Variants in NDUFC1 observed in about 807,000 individuals in gnomAD.
NDUFC1 encodes NADH dehydrogenase [ubiquinone] 1 subunit C1, mitochondrial.
Under a neutral mutation model 11.6 loss-of-function variants are expected in NDUFC1, and 11 were observed. The observed-to-expected ratio is 0.95, with a 90% CI of 0.60 to 1.58. The LOEUF (loss-of-function observed/expected upper bound fraction) is 1.58. NDUFC1 is among the 40% of genes most tolerant of loss of function. NDUFC1 has a pLI of 0.00. For synonymous variants in NDUFC1, 52 were observed against 42.2 expected, an observed-to-expected ratio of 1.23 and a Z score of -0.90; for missense variants, 112 against 93.0, an observed-to-expected ratio of 1.20 and a Z score of -0.84.
chr4:139,295,943 C>T lies in NDUFC1; in HGVS notation c.-145G>A. ...CAGCACGGCAAGGTTCTCTAGCACC[C>T]CGGCCTCAGCCTTCTGTCTATACAG... On this transcript the variant is annotated 5_prime_UTR_variant, in exon 3 of 6. Coordinates refer to ENST00000394223, the MANE Select transcript of NDUFC1 (RefSeq NM_001184989.2). 4.1e-6 allele frequency: 3 copies of T among 724,404 alleles called. No homozygotes were observed. The South Asian group carries it at 5.2e-5, about 13-fold the overall frequency. 44.9% of individuals were successfully genotyped at this position (724,404 alleles called of 1,614,324 possible).
At chr4:139,293,209 A>G (rs1560939188) in intron 4 of NDUFC1, among the ~76,000 whole-genome samples, 1 of 152,218 alleles carries the variant, frequency 6.6e-6, no homozygotes, top group African/African-American at 2.4e-5. Flanking sequence ...GGGGTAAATC[A>G]ATATGATACA....
At chr4:139,301,766 G>A (rs1414831576) in intron 1 of NDUFC1, 1 of 1,567,730 alleles carries the variant, frequency 6.4e-7, no homozygotes, top group Non-Finnish European at 8.7e-7. Context: ...AGCAGCGGGA[G>A]CAGCCGGAAC....
Position 139,301,668 on chromosome 4 carries a change from C to T in NDUFC1, c.-222+748G>A, listed in dbSNP as rs537112516. 1.4e-4 allele frequency: 177 copies of T among 1,278,702 alleles called. No homozygotes were observed. The African/African-American group carries it at 2.4e-3, about 17-fold the overall frequency. 79.2% of individuals were successfully genotyped at this position (1,278,702 alleles called of 1,614,324 possible). ...GACACCCGAGGCCTGGTGGTGGCGG[C>T]GGATCGAGATATTCAAGGCTGAAGC... On this transcript the variant is annotated intron_variant, in intron 1 of 5. Transcript: ENST00000394223.
intron 4 of NDUFC1, among the ~76,000 whole-genome samples, chr4:139,293,758 AGT>A (rs969264356): frequency 8.5e-5 from 13 of 152,260 alleles, no homozygotes; most frequent in African/African-American, 2.9e-4. Flanking sequence ...CAACAGAGGC[AGT>A]GTTTCACAGT....
rs748484380 is a variant in NDUFC1, at chr4:139,302,450, C to G, written c.-256G>C. On this transcript the variant is annotated 5_prime_UTR_variant, in exon 1 of 6. Transcript: ENST00000394223. ...GTCAGTTGCATACTGGAGTCTTCAGCTCCTCTGCCTCCGTTGTTCTCGTTT... is the reference window on the plus strand; with the variant it reads ...GTCAGTTGCATACTGGAGTCTTCAGGTCCTCTGCCTCCGTTGTTCTCGTTT... 6.6e-6 allele frequency: 1 copy of G among 152,262 alleles called. No homozygotes were observed. Among genetic ancestry groups the G allele is most frequent in the Non-Finnish European group, 1.5e-5 (1 of 68,064 alleles). 9.4% of individuals were successfully genotyped at this position (152,262 alleles called of 1,614,324 possible). A position where few individuals can be genotyped will look rare whatever the true frequency, so the allele number is the denominator to read the frequency against.
chr4:139,298,522 G>A (rs1216506173), intron 1 of NDUFC1, among the ~76,000 whole-genome samples: 3 of 151,942 alleles, frequency 2.0e-5, no homozygotes, highest in African/African-American at 4.8e-5. Context: ...GGGAGGCTGC[G>A]GTGGGTGGAT....
intron 5 of NDUFC1, among the ~76,000 whole-genome samples, chr4:139,290,825 C>A (rs1745180564): frequency 6.6e-6 from 1 of 151,442 alleles, no homozygotes; most frequent in Admixed American, 6.6e-5. Context: ...GAGACAGAGT[C>A]TTGTTCTGTT....
chr4:139,291,859 A>C lies in NDUFC1; in HGVS notation c.*20+671T>G, dbSNP rs1296332735. Among the ~76,000 whole-genome samples, 3 of 151,376 alleles carry C rather than the reference A, an allele frequency of 2.0e-5. No homozygotes were observed. The East Asian group carries it at 5.8e-4, about 29-fold the overall frequency. On this transcript the variant is annotated intron_variant, in intron 5 of 5. Transcript: ENST00000394223. ...GTTCATTCTTTTTTTTTTTTTGAGA[A>C]GGAGTCTCACTCTGTCACCCAGGCT...
At chr4:139,294,461 G>C (rs191176378) in intron 4 of NDUFC1, among the ~76,000 whole-genome samples, 1 of 151,854 alleles carries the variant, frequency 6.6e-6, no homozygotes, top group African/African-American at 2.4e-5. Context: ...CTATTGCCGG[G>C]CGTGGTGGCT....
At chr4:139,297,086 A>G (rs945612168) in intron 2 of NDUFC1, among the ~76,000 whole-genome samples, 5 of 152,178 alleles carry the variant, frequency 3.3e-5, no homozygotes, top group African/African-American at 1.2e-4. Context: ...AAACTACCCA[A>G]TGAATGTGCT....
intron 2 of NDUFC1, chr4:139,296,419 G>C (rs1484596253): frequency 6.6e-6 from 1 of 152,384 alleles, no homozygotes; most frequent in African/African-American, 2.4e-5. Context: ...ACAGATGGCA[G>C]AGGTGGGATA....
Position 139,293,307 on chromosome 4 carries a change from T to C in NDUFC1, c.172-698A>G, listed in dbSNP as rs567248255. ...TTAGAAGTAGGATACCTTGATTGAA[T>C]GACCAACCCCATCACGAAACTGTAT... On this transcript the variant is annotated intron_variant, in intron 4 of 5. Transcript: ENST00000394223. Among the ~76,000 whole-genome samples, 26 of 152,278 alleles carry C rather than the reference T, an allele frequency of 1.7e-4. No individual in the cohort carries two copies. In the East Asian group the frequency reaches 5.0e-3, roughly 29 times the overall value.
intron 5 of NDUFC1, among the ~76,000 whole-genome samples, chr4:139,290,562 T>C (rs767583927): frequency 1.6e-4 from 24 of 151,780 alleles, no homozygotes; most frequent in Non-Finnish European, 2.9e-4. Context: ...TTATAAAATA[T>C]GGAAAAAAAG....
chr4:139,292,861 C>T (rs1438431468), intron 4 of NDUFC1, among the ~76,000 whole-genome samples: 3 of 151,560 alleles, frequency 2.0e-5, no homozygotes, highest in Middle Eastern at 3.2e-3. Flanking sequence ...TTTGCTCCAC[C>T]CCAGGCTGGA....
At chr4:139,298,367 A>T (rs1299486093) in intron 1 of NDUFC1, among the ~76,000 whole-genome samples, 2 of 149,240 alleles carry the variant, frequency 1.3e-5, no homozygotes, top group East Asian at 2.0e-4. Context: ...TGAACCCAGG[A>T]GGCAGAGTTG....
chr4:139,297,180 G>A (rs1426055516), intron 2 of NDUFC1, among the ~76,000 whole-genome samples: 1 of 152,228 alleles, frequency 6.6e-6, no homozygotes, highest in Non-Finnish European at 1.5e-5. Flanking sequence ...TTGGAAGCTT[G>A]TCCTGATGAA....
intron 4 of NDUFC1, among the ~76,000 whole-genome samples, chr4:139,292,993 G>T (rs776258048): frequency 1.6e-4 from 25 of 151,864 alleles, no homozygotes; most frequent in Non-Finnish European, 3.2e-4. Context: ...GCTAATTTTT[G>T]TATCTTTAGT....
chr4:139,291,001 G>A (rs562395122), intron 5 of NDUFC1, among the ~76,000 whole-genome samples: 5 of 151,394 alleles, frequency 3.3e-5, no homozygotes, highest in African/African-American at 7.3e-5. Context: ...TAGTACTGAT[G>A]GGGTTTCGCC....
At chr4:139,298,480 G>A (rs952331921) in intron 1 of NDUFC1, among the ~76,000 whole-genome samples, 3 of 150,790 alleles carry the variant, frequency 2.0e-5, no homozygotes, top group Non-Finnish European at 4.4e-5. Flanking sequence ...CAGGCCGGGC[G>A]TTGGGGCTCA....
Sources: allele counts gnomAD v4.1 joint callset (sites outside exome capture counted in the v4.1 genomes callset), GRCh38; gene constraint gnomAD v4.1.1; transcripts MANE v1.5; gene names NCBI Gene and HGNC (gene_info 2026-07-23, HGNC 2026-07-21).